Variants in RBFOX1 observed in about 807,000 individuals in gnomAD.
RBFOX1 encodes RNA binding protein fox-1 homolog 1.
Under a neutral mutation model 57.7 loss-of-function variants are expected in RBFOX1, and 8 were observed. That is an observed-to-expected ratio of 0.14 (90% CI 0.08 to 0.25). The LOEUF (loss-of-function observed/expected upper bound fraction) is 0.25. Ranked by LOEUF, RBFOX1 falls within the 10% of genes least tolerant of loss-of-function variation. The pLI is 1.00. For synonymous variants in RBFOX1, 326 were observed against 222.4 expected (o/e 1.47, Z -4.15); for missense variants, 611 against 548.5 (o/e 1.11, Z -1.14).
At position 6,280,496 on chromosome 16, in the gene RBFOX1, G is replaced by A. The variant is rs1481883130; in HGVS notation, c.-126-36499G>A. 2.0e-5 allele frequency among the ~76,000 whole-genome samples: 3 copies of A among 152,246 alleles called. No homozygotes were observed. In the East Asian group the frequency reaches 5.8e-4, roughly 29 times the overall value. ...AAAAGATTAAGGGAAGGGGAGGATT[G>A]ATACATGAGGAGGGATTAAAAGCAT... is the stretch of plus-strand genomic sequence containing the variant. On this transcript the variant is annotated intron_variant, in intron 1 of 15. Coordinates refer to ENST00000550418, the MANE Select transcript of RBFOX1 (RefSeq NM_018723.4).
At chr16:6,479,869 G>A (rs2095344173) in intron 2 of RBFOX1, among the ~76,000 whole-genome samples, 1 of 151,896 alleles carries the variant, frequency 6.6e-6, no homozygotes, top group Non-Finnish European at 1.5e-5. Context: ...GACCAACATG[G>A]TGAAACCCCA....
At chr16:5,412,478 G>A (rs528188682) in intron 1 of RBFOX1, among the ~76,000 whole-genome samples, 4 of 152,328 alleles carry the variant, frequency 2.6e-5, no homozygotes, top group African/African-American at 9.6e-5. Context: ...GGAATCTGAA[G>A]CAGTCCAAGA....
chr16:5,486,278 T>A (rs1387430505), intron 2 of RBFOX1, among the ~76,000 whole-genome samples: 1 of 152,220 alleles, frequency 6.6e-6, no homozygotes, highest in Admixed American at 6.5e-5. Context: ...AAACTACCCG[T>A]GAAGAAGAGA....
intron 3 of RBFOX1, among the ~76,000 whole-genome samples, chr16:6,932,700 C>G (rs913915788): frequency 6.6e-6 from 1 of 152,146 alleles, no homozygotes; most frequent in South Asian, 2.1e-4. Context: ...TCTACTTTCA[C>G]TAATCTCTTT....
chr16:6,556,033 G>A (rs891290980), intron 2 of RBFOX1, among the ~76,000 whole-genome samples: 3 of 152,106 alleles, frequency 2.0e-5, no homozygotes, highest in Admixed American at 6.6e-5. Context: ...TTACTTTGAG[G>A]CACTAGGGCA....
chr16:7,265,109 C>T (rs530561777), intron 4 of RBFOX1, among the ~76,000 whole-genome samples: 1 of 152,234 alleles, frequency 6.6e-6, no homozygotes, highest in African/African-American at 2.4e-5. Flanking sequence ...TATTGAATTA[C>T]TAATAAAGAC....
At chr16:6,721,700 G>A (rs1836185083) in intron 3 of RBFOX1, 1 of 151,896 alleles carries the variant, frequency 6.6e-6, no homozygotes. Flanking sequence ...TTGTCTTTTT[G>A]TGACTGTCTT....
At chr16:6,978,853 G>A (rs1256230447) in intron 3 of RBFOX1, among the ~76,000 whole-genome samples, 2 of 152,160 alleles carry the variant, frequency 1.3e-5, no homozygotes, top group African/African-American at 4.8e-5. Context: ...TTCGCGCAGA[G>A]CTGCTTCATT....
At position 6,751,387 on chromosome 16, in the gene RBFOX1, G is replaced by A. The variant is rs74398481; in HGVS notation, c.-16+96737G>A. ...AGAATGCATGCTAGTAGATAAAGAG[G>A]AACTAGCTAGGAAGTTCCCTAAAGG... On this transcript the variant is annotated intron_variant, in intron 3 of 15. Transcript: ENST00000550418. 4.8e-3 allele frequency among the ~76,000 whole-genome samples: 734 copies of A among 152,188 alleles called. 45 individuals carry two copies. In the East Asian group the frequency reaches 0.11, roughly 24 times the overall value.
intron 1 of RBFOX1, among the ~76,000 whole-genome samples, chr16:5,269,791 A>G (rs1384344171): frequency 6.6e-6 from 1 of 152,218 alleles, no homozygotes; most frequent in Non-Finnish European, 1.5e-5. Flanking sequence ...ATTAAAAACC[A>G]TTGAAATGTA....
intron 4 of RBFOX1, among the ~76,000 whole-genome samples, chr16:7,337,908 C>T (rs2096823775): frequency 6.6e-6 from 1 of 152,226 alleles, no homozygotes; most frequent in Admixed American, 6.5e-5. Context: ...TCATCTTGAA[C>T]TCTTGACCTC....
At chr16:6,133,891 C>G (rs1172710817) in intron 1 of RBFOX1, among the ~76,000 whole-genome samples, 1 of 152,034 alleles carries the variant, frequency 6.6e-6, no homozygotes, top group Non-Finnish European at 1.5e-5. Flanking sequence ...TAGACCCCAG[C>G]TCAAATTAGG....
intron 3 of RBFOX1, among the ~76,000 whole-genome samples, chr16:6,674,601 C>T (rs151000648): frequency 2.0e-5 from 3 of 152,050 alleles, no homozygotes; most frequent in Admixed American, 6.5e-5. Context: ...GAATTACAGG[C>T]GTGAGCCACC....
At chr16:6,419,587 G>T (rs1010914576) in intron 2 of RBFOX1, among the ~76,000 whole-genome samples, 1 of 152,162 alleles carries the variant, frequency 6.6e-6, no homozygotes, top group African/African-American at 2.4e-5. Flanking sequence ...AGTGGGCCCC[G>T]TGCCAATTTC....
rs139174065 is a variant in RBFOX1 at position 6,373,387 on chromosome 16, T to C, written c.-64+56330T>C. On this transcript the variant is annotated intron_variant, in intron 2 of 15. Transcript: ENST00000550418. ...TGGATGGAAGGATAGTTTTTTAGGA[T>C]CACTGGGTAGGAGCATTGTTGGGTG... Among the ~76,000 whole-genome samples, 942 of 149,166 alleles carry C rather than the reference T, an allele frequency of 6.3e-3. 13 individuals carry two copies. The highest frequency in any genetic ancestry group is 0.022 in the African/African-American group (899 of 40,164).
intron 4 of RBFOX1, among the ~76,000 whole-genome samples, chr16:7,414,662 G>C (rs1368927102): frequency 6.6e-6 from 1 of 152,080 alleles, no homozygotes; most frequent in African/African-American, 2.4e-5. Flanking sequence ...CTGTCACCCA[G>C]GCTGGAGTGT....
chr16:5,362,939 A>C (rs1288469524), intron 1 of RBFOX1, among the ~76,000 whole-genome samples: 1 of 152,038 alleles, frequency 6.6e-6, no homozygotes. Context: ...CCATCACTGC[A>C]CATTTAGGTT....
At chr16:5,942,332 A>G (rs1171938911) in intron 4 of RBFOX1, among the ~76,000 whole-genome samples, 2 of 152,150 alleles carry the variant, frequency 1.3e-5, no homozygotes, top group Non-Finnish European at 2.9e-5. Context: ...TGTGTGGACA[A>G]CGGTCCTCAT....
At chr16:6,661,401 G>A (rs545857474) in intron 3 of RBFOX1, among the ~76,000 whole-genome samples, 18 of 152,318 alleles carry the variant, frequency 1.2e-4, no homozygotes, top group African/African-American at 4.3e-4. Context: ...CAGTGTGTGT[G>A]TCTGAGATTG....
Sources: allele counts gnomAD v4.1 joint callset (sites outside exome capture counted in the v4.1 genomes callset), GRCh38; gene constraint gnomAD v4.1.1; transcripts MANE v1.5; gene names NCBI Gene and HGNC (gene_info 2026-07-23, HGNC 2026-07-21).